The following RAD51B variants were observed in gnomAD, a reference collection of about 807,000 sequenced individuals.
RAD51B encodes the protein DNA repair protein RAD51 homolog 2.
Under a neutral mutation model 42.2 loss-of-function variants are expected in RAD51B, and 38 were observed. That is an observed-to-expected ratio of 0.90 (90% confidence interval 0.70 to 1.18). RAD51B has a LOEUF of 1.18. Ranked by LOEUF, RAD51B falls within the 50% of genes most tolerant of loss-of-function variation. RAD51B has a pLI of 0.00. For missense variants in RAD51B, 373 were observed against 400.7 expected (o/e 0.93, Z 0.59); for synonymous variants, 154 against 145.2 (o/e 1.06, Z -0.43).
chr14:68,329,496 C>T (rs1236916442), intron 8 of RAD51B, among the ~76,000 whole-genome samples: 2 of 152,138 alleles, frequency 1.3e-5, no homozygotes, highest in African/African-American at 2.4e-5. Context: ...CTTTCCTTTT[C>T]TTTGGTTCCA....
In RAD51B at chr14:68,035,413, C is replaced by A. The variant is rs542595256; in HGVS notation, c.756+148209C>A. On this transcript the variant is annotated intron_variant, in intron 7 of 10. Coordinates refer to ENST00000471583, the MANE Select transcript of RAD51B (RefSeq NM_133510.4). The stretch of plus-strand genomic sequence containing the variant: ...AAATTAACATATCCTGAGTTACATT[C>A]TTGAGTGAGATATGAGAATTTAAAC... Among the ~76,000 whole-genome samples, 131 of 152,080 alleles carry A rather than the reference C, an allele frequency of 8.6e-4. 1 individual carries two copies. Among genetic ancestry groups the A allele is most frequent in the African/African-American group, 2.7e-3 (111 of 41,516 alleles).
At chr14:68,276,983 A>C (rs914367227) in intron 7 of RAD51B, among the ~76,000 whole-genome samples, 3 of 152,200 alleles carry the variant, frequency 2.0e-5, no homozygotes, top group Non-Finnish European at 2.9e-5. Flanking sequence ...GAGTGTACAA[A>C]GCTTATGGAG....
At chr14:68,679,060 C>T (rs1447124239) in intron 11 of RAD51B, among the ~76,000 whole-genome samples, 2 of 151,568 alleles carry the variant, frequency 1.3e-5, no homozygotes, top group African/African-American at 4.9e-5. Flanking sequence ...CTAAACCCAA[C>T]AAATATAATT....
chr14:68,539,558 G>A (rs1451901086), intron 10 of RAD51B, among the ~76,000 whole-genome samples: 1 of 152,224 alleles, frequency 6.6e-6, no homozygotes, highest in Admixed American at 6.5e-5. Flanking sequence ...AGAAAAATCT[G>A]CTTGTTCGGT....
chr14:68,489,047 A>C (rs1883862878), intron 10 of RAD51B, among the ~76,000 whole-genome samples: 1 of 151,990 alleles, frequency 6.6e-6, no homozygotes, highest in Non-Finnish European at 1.5e-5. Flanking sequence ...TCCACCTCCC[A>C]GGTTCAAGCA....
intron 9 of RAD51B, among the ~76,000 whole-genome samples, chr14:68,447,033 G>A (rs2085437582): frequency 6.6e-6 from 1 of 152,066 alleles, no homozygotes; most frequent in Non-Finnish European, 1.5e-5. Context: ...CCTGACCAAC[G>A]TGGTCTACTA....
rs184390080 is a variant in RAD51B at position 68,648,036 on chromosome 14, T to C, written c.1037-2745T>C. On this transcript the variant is annotated intron_variant, in intron 10 of 11. Transcript: ENST00000488612. ...ATATATATATACGTATATATATATA[T>C]ACACACGTATATAGATGTGTGTGTG... Among the ~76,000 whole-genome samples the C allele has an allele frequency of 4.5e-4, 51 of 114,008 alleles. 4 individuals are homozygous for C. The highest frequency in any genetic ancestry group is 7.8e-4 in the East Asian group (3 of 3,834). The allele number at this position is 114,008 out of a possible 152,430, so 74.8% of individuals were successfully genotyped here.
At position 68,205,672 on chromosome 14, in the gene RAD51B, A is replaced by T. The variant is rs559665933; in HGVS notation, c.757-86212A>T. Among the ~76,000 whole-genome samples the T allele has an allele frequency of 3.9e-5, 6 of 152,054 alleles. No homozygotes were observed. The South Asian group carries it at 1.2e-3, about 32-fold the overall frequency. ...AAAGTTGCAAGAATGAAAACAGTCC[A>T]CATAACAGTCAAATACCTTTACCCA... On this transcript the variant is annotated intron_variant, in intron 7 of 10. Transcript: ENST00000471583.
At chr14:68,355,051 C>A (rs1200498675) in intron 8 of RAD51B, among the ~76,000 whole-genome samples, 2 of 152,044 alleles carry the variant, frequency 1.3e-5, no homozygotes, top group African/African-American at 4.8e-5. Context: ...TAGAGGGGAC[C>A]GTGATGCACA....
chr14:67,849,946 T>C (rs1025836461), intron 4 of RAD51B, among the ~76,000 whole-genome samples: 1 of 152,194 alleles, frequency 6.6e-6, no homozygotes, highest in African/African-American at 2.4e-5. Flanking sequence ...AATTGGATTT[T>C]TCTGGTGCCA....
chr14:68,031,789 T>C (rs1346078695), intron 7 of RAD51B, among the ~76,000 whole-genome samples: 1 of 152,220 alleles, frequency 6.6e-6, no homozygotes, highest in Non-Finnish European at 1.5e-5. Flanking sequence ...TCCAAGTCAA[T>C]GGTAAGAATA....
At chr14:68,036,565 C>G (rs1446708867) in intron 7 of RAD51B, among the ~76,000 whole-genome samples, 3 of 152,130 alleles carry the variant, frequency 2.0e-5, no homozygotes, top group African/African-American at 7.2e-5. Context: ...TGGGAATTAA[C>G]TTTTCTCTCT....
intron 10 of RAD51B, among the ~76,000 whole-genome samples, chr14:68,500,502 A>T (rs1566915561): frequency 6.6e-6 from 1 of 152,204 alleles, no homozygotes; most frequent in Non-Finnish European, 1.5e-5. Context: ...GTCAGATGAG[A>T]AAGGATTTAT....
intron 8 of RAD51B, among the ~76,000 whole-genome samples, chr14:68,338,533 T>G (rs535374991): frequency 6.6e-6 from 1 of 152,314 alleles, no homozygotes; most frequent in South Asian, 2.1e-4. Flanking sequence ...ACAGGTGATA[T>G]GTCTGCCCTT....
chr14:68,586,153 A>G (rs1475979127), intron 10 of RAD51B, among the ~76,000 whole-genome samples: 2 of 152,154 alleles, frequency 1.3e-5, no homozygotes, highest in Non-Finnish European at 2.9e-5. Flanking sequence ...CGAGGCTGGC[A>G]CGGAGAGGCA....
intron 9 of RAD51B, among the ~76,000 whole-genome samples, chr14:68,414,168 G>T (rs2084490524): frequency 6.6e-6 from 1 of 152,092 alleles, no homozygotes; most frequent in South Asian, 2.1e-4. Context: ...GTCCTCCCTG[G>T]CTGATTATTT....
intron 10 of RAD51B, among the ~76,000 whole-genome samples, chr14:68,637,502 A>C (rs1178544790): frequency 6.6e-6 from 1 of 152,260 alleles, no homozygotes; most frequent in Non-Finnish European, 1.5e-5. Flanking sequence ...TAGGAGAGGC[A>C]GAGCGAGATG....
chr14:68,259,753 C>G (rs895644914), intron 7 of RAD51B, among the ~76,000 whole-genome samples: 1 of 152,130 alleles, frequency 6.6e-6, no homozygotes, highest in African/African-American at 2.4e-5. Context: ...AGCCCCTTTT[C>G]TAGTGCTTAG....
At chr14:68,282,140 CCTGA>C (rs1262402525) in intron 7 of RAD51B, among the ~76,000 whole-genome samples, 6 of 152,310 alleles carry the variant, frequency 3.9e-5, no homozygotes, top group East Asian at 1.9e-4. Flanking sequence ...CACCACAACG[CCTGA>C]CTAATTTTTT....
Sources: allele counts gnomAD v4.1 joint callset (sites outside exome capture counted in the v4.1 genomes callset), GRCh38; gene constraint gnomAD v4.1.1; transcripts MANE v1.5; gene names NCBI Gene and HGNC (gene_info 2026-07-23, HGNC 2026-07-21).